The following ZNF609 variants were observed in gnomAD, a reference collection of about 807,000 sequenced individuals.
The protein encoded by ZNF609 is zinc finger protein 609.
ZNF609 carries 11 observed loss-of-function variants against 109.5 expected under a neutral mutation model. That is an observed-to-expected ratio of 0.10 (90% CI 0.06 to 0.17). The LOEUF (loss-of-function observed/expected upper bound fraction) is 0.17. ZNF609 is among the 10% of genes least tolerant of loss of function. ZNF609 has a pLI of 1.00. For synonymous variants in ZNF609, 646 were observed against 662.0 expected, an observed-to-expected ratio of 0.98 and a Z score of 0.37; for missense variants, 1,559 against 1,772.4, an observed-to-expected ratio of 0.88 and a Z score of 2.16.
At chr15:64,596,387 C>A (rs760504772) in intron 2 of ZNF609, among the ~76,000 whole-genome samples, 1 of 152,140 alleles carries the variant, frequency 6.6e-6, no homozygotes, top group Non-Finnish European at 1.5e-5. Flanking sequence ...AACTCCTGAC[C>A]TTGTGATCTG....
intron 4 of ZNF609, among the ~76,000 whole-genome samples, chr15:64,671,826 ACCTTCATCTGC>A (rs1288953431): frequency 2.0e-5 from 3 of 152,190 alleles, no homozygotes; most frequent in East Asian, 3.9e-4. Context: ...AGTATCTTAA[ACCTTCATCTGC>A]CCATTGTTCC....
chr15:64,564,936 C>T (rs889278589), intron 2 of ZNF609, among the ~76,000 whole-genome samples: 3 of 151,942 alleles, frequency 2.0e-5, no homozygotes, highest in Non-Finnish European at 4.4e-5. Flanking sequence ...CAAGCTCCAC[C>T]TCCCAGGTTC....
chr15:64,612,676 T>C (rs1334701112), intron 2 of ZNF609, among the ~76,000 whole-genome samples: 1 of 151,556 alleles, frequency 6.6e-6, no homozygotes, highest in Admixed American at 6.6e-5. Context: ...ATTTATTTAC[T>C]TTTCCAAAGG....
intron 2 of ZNF609, among the ~76,000 whole-genome samples, chr15:64,608,157 A>C (rs1460096459): frequency 3.3e-5 from 5 of 152,022 alleles, no homozygotes; most frequent in African/African-American, 4.8e-5. Flanking sequence ...TTGGCCTCCC[A>C]AAGTGCTAGG....
intron 3 of ZNF609, among the ~76,000 whole-genome samples, chr15:64,646,275 CTT>C (rs571267295): frequency 3.7e-4 from 57 of 152,136 alleles, no homozygotes; most frequent in African/African-American, 1.2e-3. Flanking sequence ...GGGAGGATCA[CTT>C]GAGCCCAGGA....
In ZNF609 at chr15:64,523,927, A is replaced by T. The variant is rs189566287; in HGVS notation, c.747+23761A>T. Reference sequence around the variant, plus strand: ...TCCTGCCTTTTCCTGGTTATTATTTAAAAAAAAGTAATGTTTCCAGAAACC... The same window carrying T: ...TCCTGCCTTTTCCTGGTTATTATTTTAAAAAAAGTAATGTTTCCAGAAACC... On this transcript the variant is annotated intron_variant, in intron 2 of 9. Transcript: ENST00000326648. 2.2e-4 allele frequency among the ~76,000 whole-genome samples: 34 copies of T among 151,988 alleles called. 1 individual carries two copies. Among genetic ancestry groups the T allele is most frequent in the African/African-American group, 5.8e-4 (24 of 41,482 alleles).
At chr15:64,605,741 T>A (rs1380716726) in intron 2 of ZNF609, among the ~76,000 whole-genome samples, 3 of 149,012 alleles carry the variant, frequency 2.0e-5, no homozygotes, top group Admixed American at 6.7e-5. Context: ...CTTTCTTTTT[T>A]TTTTTTTTTT....
chr15:64,470,417 A>G (rs1188508765), intron 1 of ZNF609: 1 of 152,170 alleles, frequency 6.6e-6, no homozygotes, highest in Non-Finnish European at 1.5e-5. Flanking sequence ...ACAAGGGGGT[A>G]TCTCTGAAAT....
chr15:64,641,990 C>T (rs1213283598), intron 3 of ZNF609, among the ~76,000 whole-genome samples: 1 of 152,066 alleles, frequency 6.6e-6, no homozygotes, highest in African/African-American at 2.4e-5. Context: ...CAGTCAGATC[C>T]ATGAATTGAG....
chr15:64,534,711 C>A (rs1407026001), intron 2 of ZNF609, among the ~76,000 whole-genome samples: 2 of 152,060 alleles, frequency 1.3e-5, no homozygotes, highest in African/African-American at 4.8e-5. Context: ...CTAACCTGTT[C>A]TCCATTTCAA....
chr15:64,524,073 T>G (rs573772125), intron 2 of ZNF609, among the ~76,000 whole-genome samples: 1 of 152,206 alleles, frequency 6.6e-6, no homozygotes, highest in South Asian at 2.1e-4. Context: ...GTTTTCTTTT[T>G]TTTTTTCAGT....
chr15:64,649,541 C>G (rs984049769), intron 3 of ZNF609, among the ~76,000 whole-genome samples: 3 of 152,204 alleles, frequency 2.0e-5, no homozygotes, highest in African/African-American at 7.2e-5. Context: ...CTTCTGTCAG[C>G]TCATCAGCCA....
chr15:64,570,752 G>A (rs1243781069), intron 2 of ZNF609, among the ~76,000 whole-genome samples: 7 of 152,016 alleles, frequency 4.6e-5, no homozygotes, highest in African/African-American at 7.3e-5. Flanking sequence ...TTGGCCAGGC[G>A]CAGTGGCTCA....
chr15:64,469,424 T>A (rs1479731668), intron 1 of ZNF609, among the ~76,000 whole-genome samples: 1 of 89,058 alleles, frequency 1.1e-5, no homozygotes, highest in Non-Finnish European at 2.2e-5. Flanking sequence ...AAGACCCTAT[T>A]TCCAAAAAAA....
At chr15:64,574,250 T>C (rs1314383349) in intron 2 of ZNF609, among the ~76,000 whole-genome samples, 2 of 150,698 alleles carry the variant, frequency 1.3e-5, no homozygotes, top group Non-Finnish European at 2.9e-5. Flanking sequence ...TTTTTGTCAG[T>C]AGTTTTTTGT....
chr15:64,509,302 G>A (rs1054248575), intron 2 of ZNF609, among the ~76,000 whole-genome samples: 3 of 152,146 alleles, frequency 2.0e-5, no homozygotes, highest in Non-Finnish European at 4.4e-5. Flanking sequence ...TCATCTGAAT[G>A]GAGGAAGTAA....
rs1894021153 is a variant in ZNF609 at position 64,529,389 on chromosome 15, T to G, written c.747+29223T>G. 6 of 745,962 alleles carry G rather than the reference T, an allele frequency of 8.0e-6. No homozygotes were observed. In the Admixed American group the frequency reaches 8.7e-5, roughly 11 times the overall value. The allele number at this position is 745,962 out of a possible 1,614,324, so 46.2% of individuals were successfully genotyped here. A position where few individuals can be genotyped will look rare whatever the true frequency, so the allele number is the denominator to read the frequency against. ...GAAGACACCAGTGAACTCTACGACG[T>G]ACTCAGCGCCAGCATCACCCCATTT... On this transcript the variant is annotated intron_variant, in intron 2 of 9. Coordinates refer to ENST00000326648, the MANE Select transcript of ZNF609 (RefSeq NM_015042.2).
chr15:64,555,095 C>CAAA (rs71133440), intron 2 of ZNF609, among the ~76,000 whole-genome samples: 3 of 142,734 alleles, frequency 2.1e-5, no homozygotes, highest in African/African-American at 7.8e-5. Context: ...GACACCATCT[C>CAAA]AAAAAAAAAA....
intron 2 of ZNF609, among the ~76,000 whole-genome samples, chr15:64,577,101 C>CACAAATATATACATATATGTATATAT (rs1237295756): frequency 1.7e-5 from 2 of 119,072 alleles, no homozygotes; most frequent in Admixed American, 9.5e-5. Context: ...TGTATATATA[C>CACAAATATATACATATATGTATATAT]ACACAAATAT....
Sources: gnomAD v4.1 joint callset for allele counts (sites outside exome capture counted in the v4.1 genomes callset) on GRCh38, gnomAD v4.1.1 for gene constraint, MANE v1.5 for transcripts, NCBI Gene and HGNC (gene_info 2026-07-23, HGNC 2026-07-21) for gene names.